EEFSEC: variants seen among roughly 807,000 people sequenced by gnomAD.
EEFSEC encodes the protein selenocysteine-specific elongation factor.
EEFSEC carries 43 observed loss-of-function variants against 42.1 expected under a neutral mutation model. That is an observed-to-expected ratio of 1.02 (90% confidence interval 0.80 to 1.32). The LOEUF (loss-of-function observed/expected upper bound fraction) is 1.32. Ranked by LOEUF, EEFSEC falls within the 40% of genes most tolerant of loss-of-function variation. The pLI, the probability that EEFSEC is intolerant of heterozygous loss-of-function variation, is 0.00. For synonymous variants in EEFSEC, 354 were observed against 339.1 expected (o/e 1.04, Z -0.48); for missense variants, 745 against 803.6 (o/e 0.93, Z 0.88).
intron 4 of EEFSEC, among the ~76,000 whole-genome samples, chr3:128,312,324 G>C: frequency 6.6e-6 from 1 of 152,254 alleles, no homozygotes; most frequent in East Asian, 1.9e-4. Flanking sequence ...GTCTCAGACA[G>C]GCAGGGTCCC....
intron 6 of EEFSEC, among the ~76,000 whole-genome samples, chr3:128,402,980 G>A (rs1405312166): frequency 3.3e-5 from 5 of 152,156 alleles, no homozygotes; most frequent in Non-Finnish European, 7.3e-5. Context: ...CCCAAAACAA[G>A]GACATCATAG....
At chr3:128,275,789 CAG>C (rs2066461856) in intron 4 of EEFSEC, among the ~76,000 whole-genome samples, 1 of 152,202 alleles carries the variant, frequency 6.6e-6, no homozygotes, top group Non-Finnish European at 1.5e-5. Flanking sequence ...GAGCTCCTTG[CAG>C]AGAGTCTGAG....
chr3:128,400,207 G>A (rs2068033031), intron 6 of EEFSEC, among the ~76,000 whole-genome samples: 1 of 152,244 alleles, frequency 6.6e-6, no homozygotes, highest in African/African-American at 2.4e-5. Flanking sequence ...GTGACCACCT[G>A]TGGCCTGTGC....
chr3:128,222,261 G>T (rs1284540025), intron 1 of EEFSEC, among the ~76,000 whole-genome samples: 4 of 152,148 alleles, frequency 2.6e-5, no homozygotes, highest in Non-Finnish European at 4.4e-5. Flanking sequence ...TCGAACTCCT[G>T]ACCTCAGATG....
chr3:128,195,445 C>T, intron 1 of EEFSEC, among the ~76,000 whole-genome samples: 1 of 152,084 alleles, frequency 6.6e-6, no homozygotes, highest in East Asian at 1.9e-4. Context: ...GAAAACCAGG[C>T]CTGTGTCTGC....
rs896834700 is a variant in EEFSEC at position 128,197,771 on chromosome 3, A to G, written c.316+43948A>G. 1.5e-4 allele frequency among the ~76,000 whole-genome samples: 23 copies of G among 152,074 alleles called. 1 individual carries two copies. Among genetic ancestry groups the G allele is most frequent in the Admixed American group, 1.5e-3 (23 of 15,268 alleles). On this transcript the variant is annotated intron_variant, in intron 1 of 6. Coordinates refer to ENST00000254730, the MANE Select transcript of EEFSEC (RefSeq NM_021937.5). ...TCACCTGGATGCTGTGTTCTGCATC[A>G]TCATCAGTAAATGGAGCTCAGGGTT...
chr3:128,269,490 C>T (rs1056759288), intron 4 of EEFSEC, among the ~76,000 whole-genome samples: 1 of 152,268 alleles, frequency 6.6e-6, no homozygotes, highest in Non-Finnish European at 1.5e-5. Flanking sequence ...ACATGGGGGG[C>T]CATGGCCCTC....
At chr3:128,371,633 G>T (rs1396087500) in intron 6 of EEFSEC, among the ~76,000 whole-genome samples, 2 of 152,010 alleles carry the variant, frequency 1.3e-5, no homozygotes, top group Non-Finnish European at 2.9e-5. Context: ...TGGACAGTGG[G>T]CACATGGGGA....
intron 6 of EEFSEC, among the ~76,000 whole-genome samples, chr3:128,362,575 G>A (rs1283068030): frequency 6.6e-6 from 1 of 152,218 alleles, no homozygotes; most frequent in African/African-American, 2.4e-5. Flanking sequence ...AGCTGATTTG[G>A]GACAGTTCAT....
intron 6 of EEFSEC, among the ~76,000 whole-genome samples, chr3:128,377,002 T>C (rs371356779): frequency 1.4e-4 from 21 of 152,258 alleles, no homozygotes; most frequent in African/African-American, 5.1e-4. Context: ...GCCCCAGACT[T>C]TTGTTTCCAT....
chr3:128,313,707 G>C (rs944676626), intron 4 of EEFSEC, among the ~76,000 whole-genome samples: 1 of 152,208 alleles, frequency 6.6e-6, no homozygotes, highest in Non-Finnish European at 1.5e-5. Context: ...AACTGTTCCC[G>C]GGCTCTCATG....
At chr3:128,361,001 G>C (rs2107593008) in intron 6 of EEFSEC, among the ~76,000 whole-genome samples, 1 of 151,498 alleles carries the variant, frequency 6.6e-6, no homozygotes, top group South Asian at 2.1e-4. Flanking sequence ...TCCAGTGCCA[G>C]GTGAAGGGAG....
Position 128,153,786 on chromosome 3 carries a change from C to T in EEFSEC, c.279C>T (p.Cys93=). 3 of 1,528,438 alleles carry T rather than the reference C, an allele frequency of 2.0e-6. No homozygotes were observed. Among genetic ancestry groups the T allele is most frequent in the Non-Finnish European group, 2.6e-6 (3 of 1,144,018 alleles). The allele number at this position is 1,528,438 out of a possible 1,614,324, so 94.7% of individuals were successfully genotyped here. ...TGCTTCAGGTCACGCTGGTCGACTG[C>T]CCCGGGCACGCCTCCCTCATCCGGA... is the stretch of plus-strand genomic sequence containing the variant. The part of the protein sequence containing the change: ...EPLLQVTLVD[C]PGHASLIRTI... The change falls in exon 1 of 7, where the codon TGC becomes TGT. Residue 93 remains cysteine (C), a synonymous_variant. Coordinates refer to ENST00000254730, the MANE Select transcript of EEFSEC (RefSeq NM_021937.5).
Position 128,297,346 on chromosome 3 carries a change from C to G in EEFSEC, c.786+32565C>G, listed in dbSNP as rs548642398. Reference sequence around the variant, plus strand: ...ATAACTTTCGGAGAACTGGCTCTACCAGTGCCCCTTTCTTTATTTGTGGAT... The same window carrying G: ...ATAACTTTCGGAGAACTGGCTCTACGAGTGCCCCTTTCTTTATTTGTGGAT... On this transcript the variant is annotated intron_variant, in intron 4 of 6. Coordinates refer to ENST00000254730, the MANE Select transcript of EEFSEC (RefSeq NM_021937.5). Among the ~76,000 whole-genome samples, 12 of 152,288 alleles carry G rather than the reference C, an allele frequency of 7.9e-5. No homozygotes were observed. The South Asian group carries it at 1.5e-3, about 18-fold the overall frequency.
At chr3:128,234,589 G>A (rs556581756) in intron 1 of EEFSEC, among the ~76,000 whole-genome samples, 1 of 152,302 alleles carries the variant, frequency 6.6e-6, no homozygotes, top group East Asian at 1.9e-4. Context: ...TCTTGCAGAA[G>A]GCTGAAACCT....
chr3:128,214,395 T>TC (rs2065788933), intron 1 of EEFSEC, among the ~76,000 whole-genome samples: 3 of 152,240 alleles, frequency 2.0e-5, no homozygotes, highest in Admixed American at 2.0e-4. Context: ...TGTGGGACTT[T>TC]CCTTCAGGTC....
chr3:128,227,758 G>C (rs1240034566), intron 1 of EEFSEC, among the ~76,000 whole-genome samples: 1 of 152,130 alleles, frequency 6.6e-6, no homozygotes. Flanking sequence ...TTGGATGAGA[G>C]TTCCTTGACC....
At chr3:128,292,122 A>G (rs1046515433) in intron 4 of EEFSEC, among the ~76,000 whole-genome samples, 6 of 152,106 alleles carry the variant, frequency 3.9e-5, no homozygotes, top group Admixed American at 1.3e-4. Flanking sequence ...TAAGTTACAT[A>G]TATTGATTTT....
In EEFSEC at chr3:128,265,848, C is replaced by T. The variant is rs73197364; in HGVS notation, c.786+1067C>T. 5.2e-3 allele frequency among the ~76,000 whole-genome samples: 785 copies of T among 152,246 alleles called. 4 individuals are homozygous for T. The highest frequency in any genetic ancestry group is 9.4e-3 in the Non-Finnish European group (642 of 68,026). ...ATCTATAGATACATAGGTAAAGATA[C>T]ATAGATGTAAATATGTAGATATCTG... On this transcript the variant is annotated intron_variant, in intron 4 of 6. Transcript: ENST00000254730.
Sources: allele counts gnomAD v4.1 joint callset (sites outside exome capture counted in the v4.1 genomes callset), GRCh38; gene constraint gnomAD v4.1.1; transcripts MANE v1.5; gene names NCBI Gene and HGNC (gene_info 2026-07-23, HGNC 2026-07-21).